NID2: variants seen among roughly 807,000 people sequenced by gnomAD.
NID2 encodes the protein nidogen 2.
NID2 carries 83 observed loss-of-function variants against 145.4 expected under a neutral mutation model. The ratio of observed to expected loss-of-function variants is 0.57; its 90% CI spans 0.48 to 0.69. The LOEUF is 0.69. NID2 is among the 30% of genes least tolerant of loss of function. The pLI is 0.00. For missense variants in NID2, 1,807 were observed against 1,765.7 expected, an observed-to-expected ratio of 1.02 and a Z score of -0.42; for synonymous variants, 739 against 701.3, an observed-to-expected ratio of 1.05 and a Z score of -0.85.
intron 5 of NID2, among the ~76,000 whole-genome samples, chr14:52,046,267 G>T (rs1249280984): frequency 6.9e-6 from 1 of 144,496 alleles, no homozygotes; most frequent in African/African-American, 2.6e-5. Flanking sequence ...AGCTTGCAGT[G>T]AGCCGAGATC....
intron 12 of NID2, among the ~76,000 whole-genome samples, chr14:52,022,491 T>A (rs1223263275): frequency 6.6e-6 from 1 of 152,138 alleles, no homozygotes; most frequent in South Asian, 2.1e-4. Context: ...GGAAAGACTT[T>A]CAGCCCCCTG....
At chr14:52,011,765 G>A (rs1891039716) in intron 16 of NID2, 82 bp from the exon 17 acceptor site, 6 of 1,500,450 alleles carry the variant, frequency 4.0e-6, no homozygotes, top group Non-Finnish European at 5.5e-6. Flanking sequence ...CTCATGCACA[G>A]CTGCAGTGAG....
At chr14:52,067,247 T>C (rs1893248483) in intron 2 of NID2, among the ~76,000 whole-genome samples, 1 of 152,236 alleles carries the variant, frequency 6.6e-6, no homozygotes, top group Non-Finnish European at 1.5e-5. Context: ...AATAGCAGGA[T>C]ACAGTAGTAT....
At chr14:52,063,204 C>G (rs1263974297) in intron 2 of NID2, among the ~76,000 whole-genome samples, 3 of 152,220 alleles carry the variant, frequency 2.0e-5, no homozygotes, top group Non-Finnish European at 4.4e-5. Flanking sequence ...TAGATACAAG[C>G]TTTTGCAAGA....
intron 5 of NID2, among the ~76,000 whole-genome samples, chr14:52,046,265 G>T (rs1292536635): frequency 1.4e-5 from 2 of 146,888 alleles, no homozygotes; most frequent in East Asian, 4.2e-4. Context: ...GGAGCTTGCA[G>T]TGAGCCGAGA....
At chr14:52,051,710 T>C (rs1892684837) in intron 5 of NID2, among the ~76,000 whole-genome samples, 1 of 152,254 alleles carries the variant, frequency 6.6e-6, no homozygotes, top group African/African-American at 2.4e-5. Flanking sequence ...GTAAATTCTT[T>C]TAAAACAAAA....
intron 12 of NID2, among the ~76,000 whole-genome samples, chr14:52,025,294 T>C (rs1186500051): frequency 6.6e-6 from 1 of 152,242 alleles, no homozygotes; most frequent in African/African-American, 2.4e-5. Context: ...CCAGTATATC[T>C]ATGACAGATG....
chr14:52,018,225 T>A (rs1392163517), intron 14 of NID2, among the ~76,000 whole-genome samples: 1 of 152,230 alleles, frequency 6.6e-6, no homozygotes, highest in Non-Finnish European at 1.5e-5. Flanking sequence ...TTCTCAATAG[T>A]AAAAATGGAT....
chr14:52,053,210 G>A (rs906844473), intron 5 of NID2, among the ~76,000 whole-genome samples: 19 of 152,112 alleles, frequency 1.2e-4, no homozygotes, highest in Admixed American at 1.3e-4. Context: ...GCACAAACCC[G>A]TCCATCACTG....
At chr14:52,050,465 T>A (rs749135292) in intron 5 of NID2, among the ~76,000 whole-genome samples, 14 of 152,316 alleles carry the variant, frequency 9.2e-5, no homozygotes, top group Middle Eastern at 3.4e-3. Context: ...TCCTGGACAG[T>A]GCCTTTGACT....
At chr14:52,053,160 G>A (rs1182251932) in intron 5 of NID2, among the ~76,000 whole-genome samples, 1 of 152,126 alleles carries the variant, frequency 6.6e-6, no homozygotes, top group Non-Finnish European at 1.5e-5. Context: ...TATGAATCTG[G>A]CATGTTCATC....
chr14:52,018,287 C>G (rs544630898), intron 14 of NID2, among the ~76,000 whole-genome samples: 1 of 152,338 alleles, frequency 6.6e-6, no homozygotes, highest in African/African-American at 2.4e-5. Flanking sequence ...GGTATCAAGC[C>G]AATCCTATGC....
intron 20 of NID2, chr14:52,006,059 A>C: frequency 1.8e-6 from 1 of 551,544 alleles, no homozygotes; most frequent in Non-Finnish European, 3.3e-6. Context: ...ATGATGAGCT[A>C]TCAAATCAGA....
At chr14:52,014,184 G>A (rs748201188) in intron 16 of NID2, 103 bp downstream of exon 16, 2 of 1,473,822 alleles carry the variant, frequency 1.4e-6, no homozygotes, top group South Asian at 1.1e-5. Context: ...AAACCCTCCA[G>A]GACTTCCCTG....
Position 52,067,881 on chromosome 14 carries a change from G to A in NID2, c.511C>T (p.Arg171Cys), listed in dbSNP as rs1443014158. The change falls in exon 2 of 22, where the codon CGC (arginine) becomes TGC (cysteine). Residue 171 changes from arginine (R) to cysteine (C), a missense_variant. By Grantham distance (180) the Arg-to-Cys change is radical (BLOSUM62 -3). Transcript: ENST00000216286. Reference sequence around the variant, plus strand: ...ACCTCTCCCGAGGGCAGCGCCCCGCGCTTGACCTCCTCGTAAGCGCCTACC... The same window carrying A: ...ACCTCTCCCGAGGGCAGCGCCCCGCACTTGACCTCCTCGTAAGCGCCTACC... Reference protein sequence around the residue: ...EQVGAYEEVKRGALPSGELNT... With the variant: ...EQVGAYEEVKCGALPSGELNT... The A allele has an allele frequency of 1.2e-6, 2 of 1,612,340 alleles. No homozygotes were observed. Among genetic ancestry groups the A allele is most frequent in the Non-Finnish European group, 1.7e-6 (2 of 1,179,956 alleles).
chr14:52,031,264 T>C (rs1891861489), intron 9 of NID2, among the ~76,000 whole-genome samples: 1 of 152,172 alleles, frequency 6.6e-6, no homozygotes, highest in African/African-American at 2.4e-5. Context: ...AATAGGAACA[T>C]GTACATCTGC....
Position 52,042,120 on chromosome 14 carries a change from C to G in NID2, c.1810G>C (p.Gly604Arg). ...CCCTACTCACCTGCGAGGCTGAAGCCGTTCTCAGAGCCAGGTTTTTCTAAA... is the reference window on the plus strand; with the variant it reads ...CCCTACTCACCTGCGAGGCTGAAGCGGTTCTCAGAGCCAGGTTTTTCTAAA... ...FALEKPGSEN[G>R]FSLAGAAFTH... The change falls in exon 7 of 22, where the codon GGC (glycine) becomes CGC (arginine). Residue 604 changes from glycine to arginine, a missense_variant. Gly to Arg is a moderately radical substitution (Grantham distance 125). Coordinates refer to ENST00000216286, the MANE Select transcript of NID2 (RefSeq NM_007361.4). 6.2e-7 allele frequency: 1 copy of G among 1,600,170 alleles called. No homozygotes were observed. The highest frequency in any genetic ancestry group is 1.1e-5 in the South Asian group (1 of 89,010).
rs1296380497 is a variant in NID2, at chr14:52,042,342, G to C, written c.1588C>G (p.His530Asp). The change falls in exon 7 of 22, where the codon CAC becomes GAC. Residue 530 changes from histidine (H) to aspartate (D), a missense_variant. His to Asp is a moderately conservative substitution (Grantham distance 81). Coordinates refer to ENST00000216286, the MANE Select transcript of NID2 (RefSeq NM_007361.4). Reference protein sequence around the residue: ...GKHCLPEGAPHRVNGKVSGHL... With the variant: ...GKHCLPEGAPDRVNGKVSGHL... ...CCACTCACTTTCCCATTCACTCGGT[G>C]AGGTGCCCCTAAAAGACAGCAAATC... 2.5e-6 allele frequency: 4 copies of C among 1,609,780 alleles called. No homozygotes were observed. The highest frequency in any genetic ancestry group is 3.4e-6 in the Non-Finnish European group (4 of 1,176,868).
At chr14:52,046,255 G>A (rs949943374) in intron 5 of NID2, among the ~76,000 whole-genome samples, 21 of 149,944 alleles carry the variant, frequency 1.4e-4, no homozygotes, top group Admixed American at 8.7e-4. Flanking sequence ...TCTGGCAGGC[G>A]GAGCTTGCAG....
Sources: allele counts gnomAD v4.1 joint callset (sites outside exome capture counted in the v4.1 genomes callset), GRCh38; gene constraint gnomAD v4.1.1; transcripts MANE v1.5; gene names NCBI Gene and HGNC (gene_info 2026-07-23, HGNC 2026-07-21).